BID: variants seen among roughly 807,000 people sequenced by gnomAD.
BID encodes BH3-interacting domain death agonist.
A neutral mutation model predicts 17.4 loss-of-function variants in BID; 19 were observed. The observed-to-expected ratio is 1.09, with a 90% CI of 0.76 to 1.60. BID has a LOEUF of 1.60. Among genes scored for constraint, BID ranks in the 40% most tolerant of loss-of-function variants. The pLI is 0.00. For synonymous variants in BID, 108 were observed against 102.8 expected, an observed-to-expected ratio of 1.05 and a Z score of -0.31; for missense variants, 226 against 256.0, an observed-to-expected ratio of 0.88 and a Z score of 0.80.
chr22:17,759,225 G>A (rs540057637), intron 1 of BID, among the ~76,000 whole-genome samples: 28 of 45,836 alleles, frequency 6.1e-4, no homozygotes, highest in Non-Finnish European at 1.1e-3. Context: ...AAAAGACTCC[G>A]TCTCAAAACA....
At chr22:17,772,112 C>A (rs1490113736) in intron 1 of BID, among the ~76,000 whole-genome samples, 1 of 152,090 alleles carries the variant, frequency 6.6e-6, no homozygotes, top group Non-Finnish European at 1.5e-5. Context: ...ATGCTACCCT[C>A]GTCTGACCAC....
chr22:17,754,462 C>T lies in BID; in HGVS notation c.-58-4288G>A, dbSNP rs534825242. ...GCTTCGCTGCTGCTGAGCCAGGGGG[C>T]GCCAGGCCCTCACGAGTATGCTCAG... is the stretch of plus-strand genomic sequence containing the variant. On this transcript the variant is annotated intron_variant, in intron 1 of 5. Transcript: ENST00000622694. Among the ~76,000 whole-genome samples the T allele has an allele frequency of 5.3e-5, 8 of 152,372 alleles. No homozygotes were observed. The South Asian group carries it at 1.2e-3, about 24-fold the overall frequency.
At chr22:17,739,684 C>T (rs2061444942) in intron 3 of BID, 196 bp from the exon 4 acceptor site, 8 of 721,012 alleles carry the variant, frequency 1.1e-5, no homozygotes, top group Non-Finnish European at 1.8e-5. Flanking sequence ...CTGGGCAGTG[C>T]CGGAGCTCAG....
intron 4 of BID, 73 bp downstream of exon 4, chr22:17,739,276 G>C: frequency 6.8e-7 from 1 of 1,464,156 alleles, no homozygotes; most frequent in Non-Finnish European, 9.1e-7. Context: ...ACAGTGGGCT[G>C]CCTGGTGAGA....
chr22:17,763,683 T>C (rs918651363), intron 1 of BID, among the ~76,000 whole-genome samples: 1 of 151,776 alleles, frequency 6.6e-6, no homozygotes, highest in African/African-American at 2.4e-5. Context: ...CTCGCGCCCT[T>C]CTATGCTTCC....
At chr22:17,739,296 C>A in intron 4 of BID, 53 bp downstream of exon 4, 1 of 1,492,490 alleles carries the variant, frequency 6.7e-7, no homozygotes, top group Non-Finnish European at 8.9e-7. Context: ...AGGCAGGGGA[C>A]AGGCCCCCTT....
chr22:17,737,146 C>T (rs944968447), intron 5 of BID, among the ~76,000 whole-genome samples: 2 of 151,744 alleles, frequency 1.3e-5, no homozygotes, highest in African/African-American at 2.4e-5. Flanking sequence ...GACAGGGTCT[C>T]GCCATGTTGC....
chr22:17,764,352 G>A (rs2061663085), intron 1 of BID: 1 of 153,654 alleles, frequency 6.5e-6, no homozygotes, highest in African/African-American at 2.4e-5. Flanking sequence ...AGAGGGAAAG[G>A]AGAAAGAGCC....
intron 2 of BID, among the ~76,000 whole-genome samples, chr22:17,747,483 G>A (rs1043568458): frequency 1.3e-5 from 2 of 151,928 alleles, no homozygotes; most frequent in African/African-American, 4.8e-5. Context: ...ACCACGCCTG[G>A]CTAATTTTTG....
In BID at chr22:17,769,025, G is replaced by A. The variant is rs2061699674; in HGVS notation, c.-59+5356C>T. ...CCACTGCACTCCAGCCTGGGCGACA[G>A]AGTGAGACTCGTCTCAAAAATAAAT... On this transcript the variant is annotated intron_variant, in intron 1 of 5. Coordinates refer to ENST00000622694, the MANE Select transcript of BID (RefSeq NM_001196.4). The surrounding 1 kb of genome is among the most constrained non-coding windows in gnomAD (Gnocchi z 4.8). Among the ~76,000 whole-genome samples the A allele has an allele frequency of 6.6e-6, 1 of 151,758 alleles. No homozygotes were observed. Among genetic ancestry groups the A allele is most frequent in the South Asian group, 2.1e-4 (1 of 4,824 alleles).
chr22:17,740,238 AT>A, intron 3 of BID: 1 of 1,474,154 alleles, frequency 6.8e-7, no homozygotes, highest in Non-Finnish European at 9.3e-7. Context: ...CCACTGACAA[AT>A]ACCCAGCACT....
intron 3 of BID, chr22:17,740,205 G>A (rs2061449558): frequency 6.3e-7 from 1 of 1,597,000 alleles, no homozygotes; most frequent in East Asian, 2.2e-5. Flanking sequence ...CCTAAGGGCT[G>A]TGATTTTTTT....
intron 2 of BID, among the ~76,000 whole-genome samples, chr22:17,748,066 G>C (rs1054898466): frequency 2.7e-5 from 4 of 150,706 alleles, no homozygotes; most frequent in Non-Finnish European, 4.4e-5. Context: ...AAAATTAGCC[G>C]GGCGTGGTGG....
At chr22:17,747,518 A>G (rs944386992) in intron 2 of BID, among the ~76,000 whole-genome samples, 1 of 151,894 alleles carries the variant, frequency 6.6e-6, no homozygotes, top group Non-Finnish European at 1.5e-5. Flanking sequence ...ATGGGGCTTC[A>G]CCATGTTGGC....
intron 1 of BID, among the ~76,000 whole-genome samples, chr22:17,759,234 C>T (rs5992814): frequency 1.4e-4 from 4 of 29,236 alleles, no homozygotes; most frequent in African/African-American, 7.0e-4. Flanking sequence ...CGTCTCAAAA[C>T]AAAAAACAAA....
intron 3 of BID, 107 bp downstream of exon 3, chr22:17,743,696 C>T: frequency 1.7e-6 from 2 of 1,192,804 alleles, no homozygotes; most frequent in South Asian, 1.5e-5. Context: ...GCTGAAACTG[C>T]AGAGGCAGAG....
Position 17,773,733 on chromosome 22 carries a change from A to G in BID, c.-59+648T>C, listed in dbSNP as rs2061738328. The G allele has an allele frequency of 1.3e-6, 2 of 1,588,914 alleles. No individual in the cohort carries two copies. Among genetic ancestry groups the G allele is most frequent in the Middle Eastern group, 1.7e-4 (1 of 6,054 alleles). On this transcript the variant is annotated intron_variant, in intron 1 of 5. Transcript: ENST00000622694. This position sits in a 1 kb window ranked among gnomAD's most constrained non-coding sequence, Gnocchi z 4.4. ...TGAATGAACCCTTGCCAGCCCAGCCACTTGGTGGCTGAGGGCTTCAGAGCT... is the reference window on the plus strand; with the variant it reads ...TGAATGAACCCTTGCCAGCCCAGCCGCTTGGTGGCTGAGGGCTTCAGAGCT...
chr22:17,747,160 T>G (rs1035132026), intron 2 of BID, among the ~76,000 whole-genome samples: 8 of 151,964 alleles, frequency 5.3e-5, no homozygotes, highest in Non-Finnish European at 8.8e-5. Context: ...GCCCACTGAG[T>G]GGACAGCTGT....
At chr22:17,766,712 C>T (rs573878466) in intron 1 of BID, among the ~76,000 whole-genome samples, 1 of 152,110 alleles carries the variant, frequency 6.6e-6, no homozygotes, top group South Asian at 2.1e-4. Flanking sequence ...GCCTCAGCCT[C>T]CCAAGTAGTT....
Sources: allele counts gnomAD v4.1 joint callset (sites outside exome capture counted in the v4.1 genomes callset), GRCh38; gene constraint gnomAD v4.1.1; non-coding constraint Gnocchi (gnomAD v3.1); transcripts MANE v1.5; gene names NCBI Gene and HGNC (gene_info 2026-07-23, HGNC 2026-07-21).